Variants in ANKS1B observed in about 807,000 individuals in gnomAD.
The protein encoded by ANKS1B is ankyrin repeat and sterile alpha motif domain containing 1B.
Under a neutral mutation model 148.3 loss-of-function variants are expected in ANKS1B, and 36 were observed. That is an observed-to-expected ratio of 0.24 (90% CI 0.19 to 0.32). ANKS1B has a LOEUF of 0.32. Among genes scored for constraint, ANKS1B ranks in the 10% least tolerant of loss-of-function variants. The pLI is 1.00. For synonymous variants in ANKS1B, 542 were observed against 560.8 expected (o/e 0.97, Z 0.47); for missense variants, 1,157 against 1,542.6 (o/e 0.75, Z 4.19).
In ANKS1B at chr12:99,430,051, A is replaced by G. The variant is rs567682306; in HGVS notation, c.1575+13622T>C. Among the ~76,000 whole-genome samples the G allele has an allele frequency of 9.1e-5, 13 of 143,100 alleles. 1 individual carries two copies. In the South Asian group the frequency reaches 2.9e-3, roughly 31 times the overall value. The allele number at this position is 143,100 out of a possible 152,430, so 93.9% of individuals were successfully genotyped here. A position where few individuals can be genotyped will look rare whatever the true frequency, so the allele number is the denominator to read the frequency against. On this transcript the variant is annotated intron_variant, in intron 11 of 26. Transcript: ENST00000683438. The stretch of plus-strand genomic sequence containing the variant: ...AACTTACTCACAAATAGTTCCAGGA[A>G]AAAAAAAAAAAGATCTTTAGAAAAA...
chr12:99,440,944 A>G (rs969821260), intron 11 of ANKS1B, among the ~76,000 whole-genome samples: 1 of 151,904 alleles, frequency 6.6e-6, no homozygotes, highest in Non-Finnish European at 1.5e-5. Flanking sequence ...CAGTCTTCCC[A>G]CAATAAAAGA....
chr12:99,916,741 A>C (rs1406547132), intron 1 of ANKS1B, among the ~76,000 whole-genome samples: 2 of 152,222 alleles, frequency 1.3e-5, no homozygotes, highest in African/African-American at 4.8e-5. Context: ...CTCATGGATG[A>C]GTCAGCTAAA....
At chr12:99,141,763 A>T (rs1040563987) in intron 15 of ANKS1B, among the ~76,000 whole-genome samples, 5 of 151,844 alleles carry the variant, frequency 3.3e-5, no homozygotes, top group African/African-American at 1.2e-4. Flanking sequence ...ATGTTATCAT[A>T]CCTTTTCATG....
chr12:99,360,939 G>A (rs1180516038), intron 12 of ANKS1B, among the ~76,000 whole-genome samples: 1 of 152,076 alleles, frequency 6.6e-6, no homozygotes, highest in African/African-American at 2.4e-5. Context: ...AGACTAGAAG[G>A]ATGGTTACCA....
chr12:99,287,569 C>T (rs913407766), intron 12 of ANKS1B, among the ~76,000 whole-genome samples: 6 of 152,142 alleles, frequency 3.9e-5, no homozygotes, highest in African/African-American at 1.4e-4. Context: ...CTAAATAAGG[C>T]ACCAGTGACC....
At chr12:99,966,456 A>G (rs1260957215) in intron 1 of ANKS1B, among the ~76,000 whole-genome samples, 3 of 152,230 alleles carry the variant, frequency 2.0e-5, no homozygotes, top group Non-Finnish European at 4.4e-5. Flanking sequence ...ACATTAAAGA[A>G]TTACCTGAAC....
chr12:98,894,675 C>G (rs1186289103), intron 17 of ANKS1B: 2 of 985,550 alleles, frequency 2.0e-6, no homozygotes, highest in Admixed American at 1.2e-4. Flanking sequence ...CGAGGGCTGG[C>G]GGGCTCTGGC....
chr12:99,693,781 C>CTTTTTTTTTTTTTTTTTTTGTTT (rs397851171), intron 8 of ANKS1B, among the ~76,000 whole-genome samples: 1 of 132,752 alleles, frequency 7.5e-6, no homozygotes, highest in Non-Finnish European at 1.6e-5. Flanking sequence ...ATTTTTTGGA[C>CTTTTTTTTTTTTTTTTTTTGTTT]TTTTTTTTTT....
Position 99,735,821 on chromosome 12 carries a change from A to AAAAAC in ANKS1B, c.1128+37100_1128+37101insGTTTT, listed in dbSNP as rs1212292646. Among the ~76,000 whole-genome samples the AAAAAC allele has an allele frequency of 2.0e-5, 3 of 151,724 alleles. No individual in the cohort carries two copies. The East Asian group carries it at 5.8e-4, about 29-fold the overall frequency. On this transcript the variant is annotated intron_variant, in intron 8 of 26. Transcript: ENST00000683438. ...AGGACATATACCAAAAAAAAAAAAA[A>AAAAAC]AAAGAATATCCCTGAAGGACATAGA...
chr12:99,252,719 T>C (rs1348783393), intron 12 of ANKS1B, among the ~76,000 whole-genome samples: 2 of 152,148 alleles, frequency 1.3e-5, no homozygotes, highest in Admixed American at 1.3e-4. Context: ...GAGTGTGCAG[T>C]AAAATTTGAG....
intron 16 of ANKS1B, among the ~76,000 whole-genome samples, chr12:99,056,580 G>A (rs1277601030): frequency 2.0e-5 from 3 of 152,050 alleles, no homozygotes; most frequent in Non-Finnish European, 2.9e-5. Flanking sequence ...GCTCCTTCTC[G>A]AAAAAAGTCC....
chr12:99,982,761 T>A (rs2153866942), intron 1 of ANKS1B, among the ~76,000 whole-genome samples: 1 of 152,330 alleles, frequency 6.6e-6, no homozygotes, highest in East Asian at 1.9e-4. Flanking sequence ...TGAAAAAATG[T>A]CCCATAAATA....
intron 9 of ANKS1B, among the ~76,000 whole-genome samples, chr12:99,626,468 C>G (rs1009387368): frequency 2.2e-4 from 33 of 152,124 alleles, no homozygotes; most frequent in African/African-American, 7.5e-4. Flanking sequence ...ATTACAAATG[C>G]AGCCCACATC....
At position 99,193,587 on chromosome 12, in the gene ANKS1B, C is replaced by T. The variant is rs191756373; in HGVS notation, c.2420-39192G>A. Among the ~76,000 whole-genome samples, 28 of 152,068 alleles carry T rather than the reference C, an allele frequency of 1.8e-4. No homozygotes were observed. The East Asian group carries it at 3.9e-3, about 21-fold the overall frequency. On this transcript the variant is annotated intron_variant, in intron 14 of 26. Coordinates refer to ENST00000683438, the MANE Select transcript of ANKS1B (RefSeq NM_001352186.2). ...TTGGTTAAATACATTATGCATTTTT[C>T]TTGTTATCTTGTCTTATGTTGTAGG...
chr12:99,170,581 G>T (rs771659043), intron 14 of ANKS1B, among the ~76,000 whole-genome samples: 2 of 152,144 alleles, frequency 1.3e-5, no homozygotes, highest in African/African-American at 2.4e-5. Flanking sequence ...TACCTGTGTT[G>T]TTCATTCAGT....
chr12:99,974,840 C>G (rs1307621040), intron 1 of ANKS1B, among the ~76,000 whole-genome samples: 1 of 152,164 alleles, frequency 6.6e-6, no homozygotes, highest in Non-Finnish European at 1.5e-5. Context: ...CGGGCATGAG[C>G]CACTGTGCCT....
chr12:99,811,608 T>A (rs2068378930), intron 3 of ANKS1B, among the ~76,000 whole-genome samples: 1 of 151,926 alleles, frequency 6.6e-6, no homozygotes, highest in South Asian at 2.1e-4. Context: ...ATACTGCTGC[T>A]GTGTTTTATT....
intron 4 of ANKS1B, among the ~76,000 whole-genome samples, chr12:99,787,753 G>C (rs887939521): frequency 1.3e-5 from 2 of 152,204 alleles, no homozygotes; most frequent in South Asian, 4.1e-4. Flanking sequence ...AATCACGGGC[G>C]CTGCCCCTCT....
chr12:99,768,929 G>C (rs1319560127), intron 8 of ANKS1B, among the ~76,000 whole-genome samples: 1 of 150,730 alleles, frequency 6.6e-6, no homozygotes, highest in African/African-American at 2.4e-5. Context: ...CTGCAAACCA[G>C]GAAGCAGGCC....
Sources: allele counts gnomAD v4.1 joint callset (sites outside exome capture counted in the v4.1 genomes callset), GRCh38; gene constraint gnomAD v4.1.1; transcripts MANE v1.5; gene names NCBI Gene and HGNC (gene_info 2026-07-23, HGNC 2026-07-21).